CCBE1: variants seen among roughly 807,000 people sequenced by gnomAD.
CCBE1 encodes the protein collagen and calcium binding EGF domains 1.
In CCBE1, 37 loss-of-function variants were observed where a neutral mutation model predicts 50.0. The ratio of observed to expected loss-of-function variants is 0.74; its 90% CI spans 0.57 to 0.97. The LOEUF (loss-of-function observed/expected upper bound fraction) is 0.97, where lower values mean the gene tolerates loss of function less well. CCBE1 is among the 50% of genes least tolerant of loss of function. The probability of loss-of-function intolerance (pLI) is 0.00; values close to 1 mark genes in which losing one functional copy is unlikely to be tolerated. For synonymous variants in CCBE1, 234 were observed against 203.7 expected (o/e 1.15, Z -1.27); for missense variants, 538 against 523.8 (o/e 1.03, Z -0.26).
chr18:59,458,080 G>T (rs1291188260), intron 5 of CCBE1, among the ~76,000 whole-genome samples: 1 of 152,056 alleles, frequency 6.6e-6, no homozygotes, highest in Admixed American at 6.6e-5. Flanking sequence ...TCATCTACTG[G>T]TCAATTTACA....
intron 3 of CCBE1, among the ~76,000 whole-genome samples, chr18:59,471,337 T>C (rs1912025381): frequency 6.6e-6 from 1 of 152,220 alleles, no homozygotes; most frequent in African/African-American, 2.4e-5. Flanking sequence ...ATCCTCTCTA[T>C]TGACTTCCAG....
chr18:59,455,958 C>T (rs1031002302), intron 5 of CCBE1, among the ~76,000 whole-genome samples: 4 of 152,204 alleles, frequency 2.6e-5, no homozygotes, highest in South Asian at 4.1e-4. Context: ...TCGGGTAATG[C>T]GTGACCATCT....
Position 59,470,303 on chromosome 18 carries a change from A to C in CCBE1, c.266-696T>G, listed in dbSNP as rs371382346. Among the ~76,000 whole-genome samples, 10 of 152,260 alleles carry C rather than the reference A, an allele frequency of 6.6e-5. No individual in the cohort carries two copies. In the East Asian group the frequency reaches 1.9e-3, roughly 29 times the overall value. On this transcript the variant is annotated intron_variant, in intron 3 of 10. Transcript: ENST00000439986. The stretch of plus-strand genomic sequence containing the variant: ...GATCTCGTGAGACTTATTCACTGTC[A>C]TGAGAACACCATGGGAAAGACCCAC...
At chr18:59,658,329 A>G (rs113647641) in intron 2 of CCBE1, among the ~76,000 whole-genome samples, 1 of 16,950 alleles carries the variant, frequency 5.9e-5, no homozygotes, top group Non-Finnish European at 1.0e-4. Flanking sequence ...TCTAAAAAAA[A>G]AAAAAAAAAA....
chr18:59,659,071 C>T (rs2054247212), intron 2 of CCBE1, among the ~76,000 whole-genome samples: 2 of 152,210 alleles, frequency 1.3e-5, no homozygotes, highest in East Asian at 1.9e-4. Flanking sequence ...CAAGCGAGCC[C>T]GTGCATGCCA....
intron 7 of CCBE1, among the ~76,000 whole-genome samples, chr18:59,442,493 TG>T (rs1295941665): frequency 6.6e-6 from 1 of 152,144 alleles, no homozygotes; most frequent in East Asian, 1.9e-4. Flanking sequence ...TTTGAGAGGC[TG>T]AGGTGGGCAG....
intron 2 of CCBE1, among the ~76,000 whole-genome samples, chr18:59,541,375 CA>C (rs1490362785): frequency 6.6e-6 from 1 of 152,020 alleles, no homozygotes; most frequent in Non-Finnish European, 1.5e-5. Flanking sequence ...CAAACATAGG[CA>C]AAAAATTCTA....
At chr18:59,529,432 A>C (rs1015104515) in intron 2 of CCBE1, among the ~76,000 whole-genome samples, 3 of 152,226 alleles carry the variant, frequency 2.0e-5, no homozygotes, top group African/African-American at 7.2e-5. Context: ...TCTACAGCCA[A>C]GTGGCTATGG....
chr18:59,441,408 G>T (rs1327226328), intron 7 of CCBE1, among the ~76,000 whole-genome samples: 1 of 151,712 alleles, frequency 6.6e-6, no homozygotes, highest in African/African-American at 2.4e-5. Flanking sequence ...TACTCAGGAG[G>T]CTGAAGCGGC....
chr18:59,578,597 C>T (rs150996837), intron 2 of CCBE1, among the ~76,000 whole-genome samples: 159 of 152,312 alleles, frequency 1.0e-3, no homozygotes, highest in Admixed American at 2.7e-3. Flanking sequence ...CACATATACA[C>T]CGTAGAATAC....
chr18:59,439,631 C>T (rs1222327529), intron 8 of CCBE1, 46 bp downstream of exon 8: 6 of 1,614,220 alleles, frequency 3.7e-6, no homozygotes, highest in Non-Finnish European at 5.1e-6. Context: ...GGGACAAAAA[C>T]ACATTTTCCC....
chr18:59,513,140 T>A (rs6567093), intron 2 of CCBE1, among the ~76,000 whole-genome samples: 102,878 of 151,928 alleles, frequency 0.68, 35,947 homozygotes, highest in East Asian at 0.96. Context: ...AAACCCCATC[T>A]CCACTAAAAA....
At position 59,612,846 on chromosome 18, in the gene CCBE1, TTG is replaced by T. The variant is rs1378767395; in HGVS notation, c.212+83781_212+83782del. Among the ~76,000 whole-genome samples, 12 of 70,472 alleles carry T rather than the reference TTG, an allele frequency of 1.7e-4. 1 individual carries two copies. In the East Asian group the frequency reaches 4.6e-3, roughly 27 times the overall value. 46.2% of individuals were successfully genotyped at this position (70,472 alleles called of 152,430 possible). Reference sequence around the variant, plus strand: ...TTTTTGTTTTTTTTTGTTTTTGTTTTTGTTTTTTTTAATGTCTGTTAGATGGC... The same window carrying T: ...TTTTTGTTTTTTTTTGTTTTTGTTTTTTTTTTTTAATGTCTGTTAGATGGC... On this transcript the variant is annotated intron_variant, in intron 2 of 10. Transcript: ENST00000439986.
chr18:59,610,751 T>C (rs1281787199), intron 2 of CCBE1, among the ~76,000 whole-genome samples: 1 of 148,606 alleles, frequency 6.7e-6, no homozygotes, highest in Admixed American at 6.8e-5. Flanking sequence ...GGTGGACACA[T>C]GAGGAACGGA....
rs767246011 is a variant in CCBE1 at position 59,524,925 on chromosome 18, C to A, written c.213-44687G>T. Among the ~76,000 whole-genome samples, 76 of 152,180 alleles carry A rather than the reference C, an allele frequency of 5.0e-4. 1 individual carries two copies. Among genetic ancestry groups the A allele is most frequent in the Non-Finnish European group, 1.0e-4 (7 of 68,040 alleles). On this transcript the variant is annotated intron_variant, in intron 2 of 10. Transcript: ENST00000439986. ...TCCATGTCCCTGCAAACTACATGAT[C>A]TCGTTCCTTTTAATGGCTGTATAGT...
intron 6 of CCBE1, among the ~76,000 whole-genome samples, chr18:59,450,142 T>C (rs1192835525): frequency 1.3e-5 from 2 of 152,200 alleles, no homozygotes; most frequent in African/African-American, 4.8e-5. Flanking sequence ...GTCAATGGAA[T>C]TATGCGTATC....
At chr18:59,512,789 C>T (rs570931410) in intron 2 of CCBE1, among the ~76,000 whole-genome samples, 21 of 152,166 alleles carry the variant, frequency 1.4e-4, no homozygotes, top group African/African-American at 2.7e-4. Context: ...GAACAAATCC[C>T]GGGTAAGACA....
intron 2 of CCBE1, among the ~76,000 whole-genome samples, chr18:59,634,058 C>T (rs2053886870): frequency 6.6e-6 from 1 of 152,108 alleles, no homozygotes; most frequent in Admixed American, 6.6e-5. Context: ...GTCTCAACAG[C>T]CTAAACATAC....
At chr18:59,666,229 A>G (rs1266925001) in intron 2 of CCBE1, 2 of 152,282 alleles carry the variant, frequency 1.3e-5, no homozygotes, top group South Asian at 4.1e-4. Context: ...ATTCATTATC[A>G]TGAGAACGGC....
Sources: allele counts gnomAD v4.1 joint callset (sites outside exome capture counted in the v4.1 genomes callset), GRCh38; gene constraint gnomAD v4.1.1; transcripts MANE v1.5; gene names NCBI Gene and HGNC (gene_info 2026-07-23, HGNC 2026-07-21).